The following PCDHGA3 variants were observed in gnomAD, a reference collection of about 807,000 sequenced individuals.
PCDHGA3 encodes the protein protocadherin gamma subfamily A, 3.
PCDHGA3 carries 40 observed loss-of-function variants against 58.5 expected under a neutral mutation model. That is an observed-to-expected ratio of 0.68 (90% CI 0.53 to 0.89). PCDHGA3 has a LOEUF of 0.89. Ranked by LOEUF, PCDHGA3 falls within the 40% of genes least tolerant of loss-of-function variation. PCDHGA3 has a pLI of 0.00. For missense variants in PCDHGA3, 1,223 were observed against 1,195.9 expected (o/e 1.02, Z -0.33); for synonymous variants, 530 against 525.7 (o/e 1.01, Z -0.11).
At chr5:141,349,870 T>A (rs1758364599) in intron 1 of PCDHGA3, among the ~76,000 whole-genome samples, 1 of 152,182 alleles carries the variant, frequency 6.6e-6, no homozygotes, top group Non-Finnish European at 1.5e-5. Context: ...TACGAAATGA[T>A]GAAGGCCCTT....
intron 1 of PCDHGA3, chr5:141,427,619 C>T: frequency 1.4e-6 from 1 of 696,342 alleles, no homozygotes; most frequent in Non-Finnish European, 2.6e-6. Context: ...AAGTCAACGA[C>T]AATGCTCCGG....
intron 1 of PCDHGA3, chr5:141,372,762 A>G (rs1769049237): frequency 6.2e-7 from 1 of 1,612,570 alleles, no homozygotes; most frequent in South Asian, 1.1e-5. Flanking sequence ...TTGGTTTGAA[A>G]GTAATGACAA....
rs949539037 is a variant in PCDHGA3, at chr5:141,354,985, C to T, written c.2424+8528C>T. On this transcript the variant is annotated intron_variant, in intron 1 of 3. Transcript: ENST00000253812. The stretch of plus-strand genomic sequence containing the variant: ...TTAAGACTCTGGGTGTCGCTGTTCA[C>T]CAATCAGGGGGAAAAGACAAACCAG... The T allele has an allele frequency of 5.0e-6, 3 of 604,640 alleles. No individual in the cohort carries two copies. The African/African-American group carries it at 5.6e-5, about 11-fold the overall frequency. 37.5% of individuals were successfully genotyped at this position (604,640 alleles called of 1,614,324 possible).
In PCDHGA3 at chr5:141,357,295, G is replaced by A. The variant is rs774772455; in HGVS notation, c.2424+10838G>A. 1.4e-5 allele frequency: 23 copies of A among 1,613,810 alleles called. No individual in the cohort carries two copies. In the African/African-American group the frequency reaches 2.5e-4, roughly 18 times the overall value. ...ACTCTATCTCGTGGTGGCAGTGGCC[G>A]CTGTCTCCTGCGTCTTCCTGGCTTT... On this transcript the variant is annotated intron_variant, in intron 1 of 3. Transcript: ENST00000253812.
chr5:141,344,333 G>A lies in PCDHGA3; in HGVS notation c.300G>A (p.Pro100=), dbSNP rs1757404389. The change falls in exon 1 of 4, where the codon CCG becomes CCA. Residue 100 remains proline (P), a synonymous_variant. Transcript: ENST00000253812. ...GGGAGGAGCTCTGCGCTCAGATCCC[G>A]CTGTGTCTGGTAAAAATTAACATTC... ...IDREELCAQI[P]LCLVKINILV... The A allele has an allele frequency of 6.2e-7, 1 of 1,613,868 alleles. No homozygotes were observed. Among genetic ancestry groups the A allele is most frequent in the African/African-American group, 1.3e-5 (1 of 74,910 alleles).
chr5:141,461,037 G>T (rs1254497108), intron 1 of PCDHGA3, among the ~76,000 whole-genome samples: 1 of 150,988 alleles, frequency 6.6e-6, no homozygotes, highest in Non-Finnish European at 1.5e-5. Flanking sequence ...CCACTCATTA[G>T]TCGATGGGGA....
Position 141,477,782 on chromosome 5 carries a change from T to G in PCDHGA3, c.2425-17025T>G, listed in dbSNP as rs763675478. 1.2e-5 allele frequency: 20 copies of G among 1,613,902 alleles called. No individual in the cohort carries two copies. Among genetic ancestry groups the G allele is most frequent in the Non-Finnish European group, 1.7e-5 (20 of 1,180,042 alleles). ...AGCCACCAACATCAGCGTGAACATA[T>G]TTGTCACTGATCGCAATGACAATGC... On this transcript the variant is annotated intron_variant, in intron 1 of 3. Coordinates refer to ENST00000253812, the MANE Select transcript of PCDHGA3 (RefSeq NM_018916.4). The surrounding 1 kb of genome is among the most constrained non-coding windows in gnomAD (Gnocchi z 4.9).
At chr5:141,384,891 G>A in intron 1 of PCDHGA3, 1 of 1,613,876 alleles carries the variant, frequency 6.2e-7, no homozygotes, top group Non-Finnish European at 8.5e-7. Flanking sequence ...CCGTGGCTGT[G>A]GCTGACAGCA....
At position 141,512,630 on chromosome 5, in the gene PCDHGA3, G is replaced by C. The variant is rs1335322474; in HGVS notation, c.*1457G>C. On this transcript the variant is annotated 3_prime_UTR_variant, in exon 4 of 4. Transcript: ENST00000253812. ...GGGGCTGCCAGAGAACCCCAGACCT[G>C]CCCTTACAGTAGTGTAGCGCCCCCT... The C allele has an allele frequency of 6.5e-6, 1 of 152,888 alleles. No individual in the cohort carries two copies. Among genetic ancestry groups the C allele is most frequent in the Non-Finnish European group, 1.5e-5 (1 of 68,576 alleles). 9.5% of individuals were successfully genotyped at this position (152,888 alleles called of 1,614,324 possible).
At position 141,487,137 on chromosome 5, in the gene PCDHGA3, T is replaced by A. The variant is rs2154580779; in HGVS notation, c.2425-7670T>A. ...GTAAAGGATAGTGGTAGTCCACCAC[T>A]CTCTACCTCTGTTACTCTCTTAGTG... On this transcript the variant is annotated intron_variant, in intron 1 of 3. Coordinates refer to ENST00000253812, the MANE Select transcript of PCDHGA3 (RefSeq NM_018916.4). The surrounding 1 kb of genome is among the most constrained non-coding windows in gnomAD (Gnocchi z 5.0). 1.9e-6 allele frequency: 3 copies of A among 1,614,092 alleles called. No individual in the cohort carries two copies. The East Asian group carries it at 6.7e-5, about 36-fold the overall frequency.
Position 141,345,627 on chromosome 5 carries a change from G to T in PCDHGA3, c.1594G>T (p.Val532Leu), listed in dbSNP as rs1471219094. The T allele has an allele frequency of 1.2e-6, 2 of 1,614,070 alleles. No homozygotes were observed. The highest frequency in any genetic ancestry group is 1.3e-5 in the African/African-American group (1 of 74,902). The change falls in exon 1 of 4, where the codon GTG (valine) becomes TTG (leucine). Residue 532 changes from valine to leucine, a missense_variant. Transcript: ENST00000253812. ...GCAATTTAGAGACTTAAAGCTACTG[G>T]TGACAGCCAGCGACAGCGGGAACCC... ...YEQFRDLKLL[V>L]TASDSGNPPL...
chr5:141,364,354 G>C (rs1256054518), intron 1 of PCDHGA3: 1 of 1,554,444 alleles, frequency 6.4e-7, no homozygotes, highest in Non-Finnish European at 8.7e-7. Context: ...CTAGGGGCTG[G>C]GGCTGCGGAG....
intron 1 of PCDHGA3, chr5:141,362,021 C>T (rs1233254898): frequency 6.2e-7 from 1 of 1,607,220 alleles, no homozygotes; most frequent in South Asian, 1.1e-5. Flanking sequence ...GTGCGCACAG[C>T]GCGTGCCTTG....
chr5:141,485,245 G>C lies in PCDHGA3; in HGVS notation c.2425-9562G>C. 1 of 1,614,188 alleles carries C rather than the reference G, an allele frequency of 6.2e-7. No individual in the cohort carries two copies. Among genetic ancestry groups the C allele is most frequent in the Non-Finnish European group, 8.5e-7 (1 of 1,180,008 alleles). On this transcript the variant is annotated intron_variant, in intron 1 of 3. Coordinates refer to ENST00000253812, the MANE Select transcript of PCDHGA3 (RefSeq NM_018916.4). This position sits in a 1 kb window ranked among gnomAD's most constrained non-coding sequence, Gnocchi z 5.7. The stretch of plus-strand genomic sequence containing the variant: ...CCCTTTTGTTCCTCTTTTACCACCT[G>C]GGTTACGTTTGTGGGCAGATCCGCT...
chr5:141,373,134 C>T (rs1335813862), intron 1 of PCDHGA3, among the ~76,000 whole-genome samples: 4 of 152,200 alleles, frequency 2.6e-5, no homozygotes, highest in Non-Finnish European at 5.9e-5. Flanking sequence ...CAAATCCTCA[C>T]AATTAAGTGG....
chr5:141,478,038 G>A lies in PCDHGA3; in HGVS notation c.2425-16769G>A, dbSNP rs1401384720. ...CCAGTCCAAGACACAGATTCACCCA[G>A]GCAGACTCTCACGGTCTTGATCAAA... On this transcript the variant is annotated intron_variant, in intron 1 of 3. Transcript: ENST00000253812. 8 of 1,614,006 alleles carry A rather than the reference G, an allele frequency of 5.0e-6. No homozygotes were observed. In the African/African-American group the frequency reaches 1.1e-4, roughly 22 times the overall value.
rs561451935 is a variant in PCDHGA3 at position 141,423,179 on chromosome 5, G to A, written c.2425-71628G>A. 21 of 1,613,516 alleles carry A rather than the reference G, an allele frequency of 1.3e-5. No individual in the cohort carries two copies. The South Asian group carries it at 2.1e-4, about 16-fold the overall frequency. ...CTCGTGGTGGCCGTCCAGGACCACG[G>A]CCAGCCCCCTCTCTCGGCCACCGTC... On this transcript the variant is annotated intron_variant, in intron 1 of 3. Transcript: ENST00000253812.
intron 1 of PCDHGA3, among the ~76,000 whole-genome samples, chr5:141,447,375 T>C (rs1431576261): frequency 6.6e-6 from 1 of 152,030 alleles, no homozygotes; most frequent in African/African-American, 2.4e-5. Context: ...CTGACCCTGG[T>C]GATCTGCCCA....
chr5:141,415,750 T>G lies in PCDHGA3; in HGVS notation c.2424+69293T>G, dbSNP rs758016978. 309 of 1,313,170 alleles carry G rather than the reference T, an allele frequency of 2.4e-4. No individual in the cohort carries two copies. In the East Asian group the frequency reaches 2.9e-3, roughly 12 times the overall value. 81.3% of individuals were successfully genotyped at this position (1,313,170 alleles called of 1,614,324 possible). On this transcript the variant is annotated intron_variant, in intron 1 of 3. Coordinates refer to ENST00000253812, the MANE Select transcript of PCDHGA3 (RefSeq NM_018916.4). Reference sequence around the variant, plus strand: ...TTGATGTTTATTAAGGTTTTTTTTTTTTTTTTTTTTTTTTTTTTTTTTACT... The same window carrying G: ...TTGATGTTTATTAAGGTTTTTTTTTGTTTTTTTTTTTTTTTTTTTTTTACT...
Sources: allele counts gnomAD v4.1 joint callset (sites outside exome capture counted in the v4.1 genomes callset), GRCh38; gene constraint gnomAD v4.1.1; non-coding constraint Gnocchi (gnomAD v3.1); transcripts MANE v1.5; gene names NCBI Gene and HGNC (gene_info 2026-07-23, HGNC 2026-07-21).